CSNK1G2: variants seen among roughly 807,000 people sequenced by gnomAD.
CSNK1G2 encodes casein kinase 1 gamma 2.
In CSNK1G2, 11 loss-of-function variants were observed where a neutral mutation model predicts 48.0. The ratio of observed to expected loss-of-function variants is 0.23; its 90% CI spans 0.14 to 0.38. The LOEUF is 0.38. CSNK1G2 is among the 10% of genes least tolerant of loss of function. The pLI, the probability that CSNK1G2 is intolerant of heterozygous loss-of-function variation, is 1.00. For missense variants in CSNK1G2, 446 were observed against 595.5 expected, an observed-to-expected ratio of 0.75 and a Z score of 2.61; for synonymous variants, 337 against 254.1, an observed-to-expected ratio of 1.33 and a Z score of -3.10.
At chr19:1,942,213 C>T (rs1349290612) in intron 1 of CSNK1G2, among the ~76,000 whole-genome samples, 1 of 152,170 alleles carries the variant, frequency 6.6e-6, no homozygotes, top group African/African-American at 2.4e-5. Flanking sequence ...GGTGAGATGT[C>T]TGAGCAGGGC....
chr19:1,972,490 GCTTT>G (rs1269236407), intron 2 of CSNK1G2, among the ~76,000 whole-genome samples: 2 of 152,168 alleles, frequency 1.3e-5, no homozygotes. Flanking sequence ...CTTAGATGAG[GCTTT>G]CTGTTTTTAT....
At chr19:1,972,652 C>T (rs1447945094) in intron 2 of CSNK1G2, among the ~76,000 whole-genome samples, 1 of 152,164 alleles carries the variant, frequency 6.6e-6, no homozygotes, top group Non-Finnish European at 1.5e-5. Flanking sequence ...GATGGAGTTT[C>T]ACTCTTGTTG....
intron 1 of CSNK1G2, among the ~76,000 whole-genome samples, chr19:1,942,798 C>G (rs1350712516): frequency 6.6e-6 from 1 of 152,116 alleles, no homozygotes; most frequent in Non-Finnish European, 1.5e-5. Context: ...GCCAGGGCCC[C>G]CAGGTTTGAA....
rs568110571 is a variant in CSNK1G2 at position 1,960,924 on chromosome 19, C to T, written c.-265-8584C>T. Among the ~76,000 whole-genome samples the T allele has an allele frequency of 4.6e-5, 7 of 152,344 alleles. No homozygotes were observed. The South Asian group carries it at 1.4e-3, about 32-fold the overall frequency. ...AAAATGCAGGCACGGACGTTTCAGC[C>T]CCCTCTTCCTGTGGATGCTGAGAGG... On this transcript the variant is annotated intron_variant, in intron 1 of 11. Transcript: ENST00000255641.
intron 6 of CSNK1G2, 22 bp downstream of exon 6, chr19:1,979,115 G>A (rs763179754): frequency 1.3e-6 from 2 of 1,580,586 alleles, no homozygotes; most frequent in South Asian, 1.1e-5. Flanking sequence ...GCGCGCGGCG[G>A]GGGGCGGGCG....
In CSNK1G2 at chr19:1,978,195, A is replaced by G. The variant is rs572309638; in HGVS notation, c.188-110A>G. ...GCTGCTGGGCAGTGGTGTCATTTGGAGGGTGGTCCTTCAGGGACCCCCTCC... is the reference window on the plus strand; with the variant it reads ...GCTGCTGGGCAGTGGTGTCATTTGGGGGGTGGTCCTTCAGGGACCCCCTCC... On this transcript the variant is annotated intron_variant, in intron 2 of 11. Coordinates refer to ENST00000255641, the MANE Select transcript of CSNK1G2 (RefSeq NM_001319.7). This position sits in a 1 kb window ranked among gnomAD's most constrained non-coding sequence, Gnocchi z 7.3. 610 of 1,053,006 alleles carry G rather than the reference A, an allele frequency of 5.8e-4. 2 individuals carry two copies. In the African/African-American group the frequency reaches 8.5e-3, roughly 15 times the overall value. 65.2% of individuals were successfully genotyped at this position (1,053,006 alleles called of 1,614,324 possible).
chr19:1,976,539 C>T (rs1279797386), intron 2 of CSNK1G2, among the ~76,000 whole-genome samples: 1 of 152,212 alleles, frequency 6.6e-6, no homozygotes, highest in Non-Finnish European at 1.5e-5. Flanking sequence ...CAGGACGGGG[C>T]ACTAGCCGGG....
rs760727770 is a variant in CSNK1G2 at position 1,980,222 on chromosome 19, C to G, written c.*19C>G. On this transcript the variant is annotated 3_prime_UTR_variant, in exon 12 of 12. Coordinates refer to ENST00000255641, the MANE Select transcript of CSNK1G2 (RefSeq NM_001319.7). ...CAAGTGACCCTGGGCGCGTGCAGCC[C>G]CCTGAATCTTCTCCGTGCAGCCCCT... 6.2e-7 allele frequency: 1 copy of G among 1,612,632 alleles called. No individual in the cohort carries two copies. The highest frequency in any genetic ancestry group is 1.3e-5 in the African/African-American group (1 of 75,040).
chr19:1,947,131 G>A (rs1348793269), intron 1 of CSNK1G2, among the ~76,000 whole-genome samples: 1 of 152,188 alleles, frequency 6.6e-6, no homozygotes, highest in Non-Finnish European at 1.5e-5. Flanking sequence ...ATGCGTAATT[G>A]CCTTTGGAGG....
chr19:1,944,950 C>T (rs1017470701), intron 1 of CSNK1G2, among the ~76,000 whole-genome samples: 3 of 152,214 alleles, frequency 2.0e-5, no homozygotes, highest in Non-Finnish European at 2.9e-5. Flanking sequence ...TTTTCTGCCC[C>T]GCTCACCACC....
At position 1,978,079 on chromosome 19, in the gene CSNK1G2, A is replaced by C. The variant is rs1408479336; in HGVS notation, c.188-226A>C. ...GGGCGGGGGAGGAGGAGTGGCAGACACTGAGGCGGTGACCACACGGGCAGG... is the reference window on the plus strand; with the variant it reads ...GGGCGGGGGAGGAGGAGTGGCAGACCCTGAGGCGGTGACCACACGGGCAGG... On this transcript the variant is annotated intron_variant, in intron 2 of 11. Coordinates refer to ENST00000255641, the MANE Select transcript of CSNK1G2 (RefSeq NM_001319.7). This position sits in a 1 kb window ranked among gnomAD's most constrained non-coding sequence, Gnocchi z 7.3. 1.3e-5 allele frequency among the ~76,000 whole-genome samples: 2 copies of C among 152,188 alleles called. No homozygotes were observed. The highest frequency in any genetic ancestry group is 4.8e-5 in the African/African-American group (2 of 41,528).
rs376378625 is a variant in CSNK1G2, at chr19:1,978,516, C to T, written c.298+5C>T. On this transcript the variant is annotated splice_donor_5th_base_variant and intron_variant, in intron 4 of 11. Transcript: ENST00000255641. This position sits in a 1 kb window ranked among gnomAD's most constrained non-coding sequence, Gnocchi z 7.3. ...ACAAGCAGCTCAGCGCCACAGGTAC[C>T]GGGCGGCCCGCGGGTGGGGCGGGGG... 153 of 1,577,434 alleles carry T rather than the reference C, an allele frequency of 9.7e-5. No homozygotes were observed. The highest frequency in any genetic ancestry group is 1.5e-4 in the Admixed American group (8 of 54,354).
rs1340146200 is a variant in CSNK1G2, at chr19:1,979,110, C to T, written c.682+17C>T. ...TGGGCAAGGGTGAGCTGCGCGCGCG[C>T]GGCGGGGGGCGGGCGCCCGGACCCC... On this transcript the variant is annotated intron_variant, in intron 6 of 11. Transcript: ENST00000255641. 12 of 1,580,604 alleles carry T rather than the reference C, an allele frequency of 7.6e-6. No homozygotes were observed. In the South Asian group the frequency reaches 1.0e-4, roughly 13 times the overall value.
rs199505258 is a variant in CSNK1G2 at position 1,945,326 on chromosome 19, TC to T, written c.-266+3909del. 6.5e-3 allele frequency among the ~76,000 whole-genome samples: 986 copies of T among 152,302 alleles called. 12 individuals carry two copies. The highest frequency in any genetic ancestry group is 0.022 in the African/African-American group (931 of 41,570). On this transcript the variant is annotated intron_variant, in intron 1 of 11. Transcript: ENST00000255641. ...CCTGGCCCCCGGTGCGGCTGACTGTTCGGGGCACGCGTCTGAGGTGTGGGGA... is the reference window on the plus strand; with the variant it reads ...CCTGGCCCCCGGTGCGGCTGACTGTTGGGGCACGCGTCTGAGGTGTGGGGA...
Position 1,964,819 on chromosome 19 carries a change from G to A in CSNK1G2, c.-265-4689G>A, listed in dbSNP as rs537014221. 5.0e-4 allele frequency among the ~76,000 whole-genome samples: 76 copies of A among 150,858 alleles called. 2 individuals carry two copies. In the South Asian group the frequency reaches 0.016, roughly 31 times the overall value. ...CGGTTCACTGCAAGCTCCCCCTCCC[G>A]GGTTCACCCCATTCTCCTGCCTCAG... On this transcript the variant is annotated intron_variant, in intron 1 of 11. Transcript: ENST00000255641.
chr19:1,973,044 C>T (rs2015626797), intron 2 of CSNK1G2, among the ~76,000 whole-genome samples: 1 of 151,716 alleles, frequency 6.6e-6, no homozygotes, highest in East Asian at 1.9e-4. Context: ...TCTCCTGCCT[C>T]AGTCTCCCAA....
intron 1 of CSNK1G2, among the ~76,000 whole-genome samples, chr19:1,948,567 C>T (rs914070384): frequency 6.0e-5 from 9 of 150,564 alleles, no homozygotes; most frequent in African/African-American, 2.2e-4. Context: ...TCCCGTCACA[C>T]TGACCCAGCT....
At chr19:1,976,323 C>T (rs993787022) in intron 2 of CSNK1G2, among the ~76,000 whole-genome samples, 1 of 152,134 alleles carries the variant, frequency 6.6e-6, no homozygotes, top group Non-Finnish European at 1.5e-5. Context: ...GAGAGACCAG[C>T]CCTGGTCCCG....
intron 1 of CSNK1G2, among the ~76,000 whole-genome samples, chr19:1,962,514 A>T (rs1022692457): frequency 6.6e-6 from 1 of 151,414 alleles, no homozygotes; most frequent in African/African-American, 2.4e-5. Flanking sequence ...AAAAAAAAAA[A>T]ATTAGCCAGA....
Sources: allele counts gnomAD v4.1 joint callset (sites outside exome capture counted in the v4.1 genomes callset), GRCh38; gene constraint gnomAD v4.1.1; non-coding constraint Gnocchi (gnomAD v3.1); transcripts MANE v1.5; gene names NCBI Gene and HGNC (gene_info 2026-07-23, HGNC 2026-07-21).